SPTLC1: variants seen among roughly 807,000 people sequenced by gnomAD.
SPTLC1 encodes serine palmitoyltransferase long chain base subunit 1, also known as serine palmitoyltransferase 1.
Under a neutral mutation model 68.9 loss-of-function variants are expected in SPTLC1, and 55 were observed. The ratio of observed to expected loss-of-function variants is 0.80; its 90% CI spans 0.64 to 1.00. The LOEUF (loss-of-function observed/expected upper bound fraction) is 1.00, where lower values mean the gene tolerates loss of function less well. Among genes scored for constraint, SPTLC1 ranks in the 50% least tolerant of loss-of-function variants. The pLI is 0.00. For synonymous variants in SPTLC1, 197 were observed against 201.6 expected (o/e 0.98, Z 0.19); for missense variants, 449 against 573.1 (o/e 0.78, Z 2.21).
At chr9:92,074,608 C>T (rs1265024790) in intron 5 of SPTLC1, among the ~76,000 whole-genome samples, 4 of 152,030 alleles carry the variant, frequency 2.6e-5, no homozygotes, top group African/African-American at 9.7e-5. Flanking sequence ...GCCAATACCC[C>T]ATCCCACAAC....
intron 5 of SPTLC1, among the ~76,000 whole-genome samples, chr9:92,076,576 T>C (rs934557480): frequency 2.0e-5 from 3 of 152,188 alleles, no homozygotes; most frequent in African/African-American, 7.2e-5. Context: ...ATGTAGGATA[T>C]AAATCTTTAA....
rs201892291 is a variant in SPTLC1 at position 92,032,505 on chromosome 9, G to A, written c.1382C>T (p.Ala461Val). The A allele has an allele frequency of 9.9e-6, 16 of 1,614,172 alleles. No homozygotes were observed. Among genetic ancestry groups the A allele is most frequent in the South Asian group, 6.6e-5 (6 of 91,080 alleles). ...EQTEEELERA[A>V]STIKEVAQAV... is the part of the protein sequence containing the mutation. ...CTGGGCTACCTCCTTGATGGTGGAC[G>A]CAGCTCTCTCCAGTTCTTCCTCTGT... The change falls in exon 15 of 15, where the codon GCG becomes GTG. Residue 461 changes from alanine (A) to valine (V), a missense_variant. By Grantham distance (64) the Ala-to-Val change is moderately conservative. Transcript: ENST00000262554.
chr9:92,074,781 C>T (rs1450341567), intron 5 of SPTLC1, among the ~76,000 whole-genome samples: 1 of 151,414 alleles, frequency 6.6e-6, no homozygotes, highest in Non-Finnish European at 1.5e-5. Context: ...ATTGTCCTCC[C>T]CATTCATCCT....
chr9:92,034,799 C>T lies in SPTLC1; in HGVS notation c.1328+11G>A, dbSNP rs766872519. On this transcript the variant is annotated intron_variant, in intron 14 of 14. Transcript: ENST00000262554. ...GGAAAAAAATAAGGTCATATTTTAA[C>T]GTCAACTGACCTGGGAGGAGGGAGA... The T allele has an allele frequency of 9.3e-6, 15 of 1,612,060 alleles. No individual in the cohort carries two copies. Among genetic ancestry groups the T allele is most frequent in the East Asian group, 2.2e-5 (1 of 44,888 alleles).
At chr9:92,094,084 G>A (rs1835453853) in intron 3 of SPTLC1, among the ~76,000 whole-genome samples, 1 of 152,230 alleles carries the variant, frequency 6.6e-6, no homozygotes, top group Non-Finnish European at 1.5e-5. Flanking sequence ...GTGGAAGAAT[G>A]TCTTTGGGAC....
At position 92,059,400 on chromosome 9, in the gene SPTLC1, C is replaced by G. The variant is rs528410176; in HGVS notation, c.561-92G>C. On this transcript the variant is annotated intron_variant, in intron 6 of 14. Coordinates refer to ENST00000262554, the MANE Select transcript of SPTLC1 (RefSeq NM_006415.4). ...CTTGTTTTTGTAAGCTGACCAATCA[C>G]TGATTGTTAACATGAGCATAGCAAA... 4 of 1,312,672 alleles carry G rather than the reference C, an allele frequency of 3.0e-6. No individual in the cohort carries two copies. In the East Asian group the frequency reaches 7.0e-5, roughly 23 times the overall value. The allele number at this position is 1,312,672 out of a possible 1,614,324, so 81.3% of individuals were successfully genotyped here. A position where few individuals can be genotyped will look rare whatever the true frequency, so the allele number is the denominator to read the frequency against.
At chr9:92,034,776 A>G in intron 14 of SPTLC1, 34 bp downstream of exon 14, 2 of 1,578,674 alleles carry the variant, frequency 1.3e-6, no homozygotes, top group Non-Finnish European at 1.7e-6. Context: ...AGAGTAGGGG[A>G]AAAAAATAAG....
At chr9:92,063,899 A>G (rs1477459645) in intron 6 of SPTLC1, among the ~76,000 whole-genome samples, 1 of 152,208 alleles carries the variant, frequency 6.6e-6, no homozygotes, top group Non-Finnish European at 1.5e-5. Flanking sequence ...TGCACGTAAC[A>G]TTATACTTAT....
chr9:92,100,181 G>A (rs150816605), intron 3 of SPTLC1, among the ~76,000 whole-genome samples: 3,487 of 151,680 alleles, frequency 0.023, 124 homozygotes, highest in African/African-American at 0.081. Context: ...TTGGGAGGCC[G>A]AGGCGGGCAG....
At chr9:92,043,662 C>G (rs1377209433) in intron 12 of SPTLC1, among the ~76,000 whole-genome samples, 1 of 152,216 alleles carries the variant, frequency 6.6e-6, no homozygotes. Flanking sequence ...TACCCAGAAT[C>G]CAGACACTTC....
chr9:92,097,375 T>C lies in SPTLC1; in HGVS notation c.260+11365A>G, dbSNP rs555833299. 3.9e-5 allele frequency among the ~76,000 whole-genome samples: 6 copies of C among 152,374 alleles called. No individual in the cohort carries two copies. The East Asian group carries it at 1.2e-3, about 29-fold the overall frequency. On this transcript the variant is annotated intron_variant, in intron 3 of 14. Transcript: ENST00000262554. ...GCAAAAATGTGTACACATTATTTCA[T>C]AGCAGTTTTATTATTTTTTATTTTT... is the stretch of plus-strand genomic sequence containing the variant.
chr9:92,093,275 G>C (rs1373626621), intron 3 of SPTLC1, among the ~76,000 whole-genome samples: 2 of 152,178 alleles, frequency 1.3e-5, no homozygotes, highest in African/African-American at 4.8e-5. Context: ...TAGAAAACTA[G>C]ATCGGAGGAA....
At position 92,059,308 on chromosome 9, in the gene SPTLC1, T is replaced by TA. The variant is rs773271309; in HGVS notation, c.561-1_561insT (p.Asp188ArgfsTer2). The stretch of plus-strand genomic sequence containing the variant: ...GAATAGCAAAGCAGGCAGCTCTATC[T>TA]CTGCAAGGAAAAGAGATCCACCAAA... On this transcript the variant is annotated frameshift_variant and splice_region_variant. Coordinates refer to ENST00000262554, the MANE Select transcript of SPTLC1 (RefSeq NM_006415.4). LOFTEE classifies it high-confidence loss of function. 6.2e-6 allele frequency: 10 copies of TA among 1,613,990 alleles called. No homozygotes were observed. In the African/African-American group the frequency reaches 1.3e-4, roughly 22 times the overall value.
At chr9:92,089,874 A>C (rs984652850) in intron 3 of SPTLC1, among the ~76,000 whole-genome samples, 1 of 152,252 alleles carries the variant, frequency 6.6e-6, no homozygotes, top group African/African-American at 2.4e-5. Context: ...GATGAACAAT[A>C]ATTAGACTGA....
At chr9:92,097,935 A>T (rs1450126104) in intron 3 of SPTLC1, among the ~76,000 whole-genome samples, 23 of 152,248 alleles carry the variant, frequency 1.5e-4, no homozygotes, top group Non-Finnish European at 2.9e-5. Context: ...AAGGAAAAAA[A>T]TCTAAGTTAA....
chr9:92,038,296 A>G lies in SPTLC1; in HGVS notation c.1206T>C (p.Thr402=). The G allele has an allele frequency of 6.2e-7, 1 of 1,614,214 alleles. No individual in the cohort carries two copies. Among genetic ancestry groups the G allele is most frequent in the Non-Finnish European group, 8.5e-7 (1 of 1,180,018 alleles). ...PAFHLQLEES[T]GSREQDVRLL... ...GTCTGACATCTTGCTCGCGAGACCC[A>G]GTGCTCTCTTCCAGTTGTAGGTGAA... Residue 402 remains threonine, a synonymous_variant, in exon 13 of 15, where the codon ACT becomes ACC. Coordinates refer to ENST00000262554, the MANE Select transcript of SPTLC1 (RefSeq NM_006415.4).
At chr9:92,079,929 T>C in intron 5 of SPTLC1, 87 bp downstream of exon 5, 2 of 1,136,722 alleles carry the variant, frequency 1.8e-6, no homozygotes, top group Non-Finnish European at 2.7e-6. Flanking sequence ...GTGCTGGGAG[T>C]ACAGGTGTGA....
chr9:92,100,557 C>T (rs1346462863), intron 3 of SPTLC1, among the ~76,000 whole-genome samples: 1 of 152,178 alleles, frequency 6.6e-6, no homozygotes, highest in African/African-American at 2.4e-5. Flanking sequence ...AGTGCGCTCA[C>T]CAACTGGCCC....
chr9:92,088,026 G>C lies in SPTLC1; in HGVS notation c.261-7063C>G, dbSNP rs543743567. 5.3e-4 allele frequency among the ~76,000 whole-genome samples: 81 copies of C among 152,360 alleles called. No individual in the cohort carries two copies. In the South Asian group the frequency reaches 0.015, roughly 29 times the overall value. On this transcript the variant is annotated intron_variant, in intron 3 of 14. Coordinates refer to ENST00000262554, the MANE Select transcript of SPTLC1 (RefSeq NM_006415.4). ...TGCTGTGCTAGCAATCAGCGAGACT[G>C]TGTGGGCGTAGGACCCTCCGAGCCA...
Sources: gnomAD v4.1 joint callset for allele counts (sites outside exome capture counted in the v4.1 genomes callset) on GRCh38, gnomAD v4.1.1 for gene constraint, MANE v1.5 for transcripts, NCBI Gene and HGNC (gene_info 2026-07-23, HGNC 2026-07-21) for gene names.